R3HDM4: variants seen among roughly 807,000 people sequenced by gnomAD.
R3HDM4 encodes the protein R3H domain-containing protein 4.
Under a neutral mutation model 31.3 loss-of-function variants are expected in R3HDM4, and 30 were observed. The observed-to-expected ratio is 0.96, with a 90% CI of 0.72 to 1.30. The LOEUF is 1.30. Among genes scored for constraint, R3HDM4 ranks in the 50% most tolerant of loss-of-function variants. The pLI is 0.00. For missense variants in R3HDM4, 444 were observed against 366.1 expected, an observed-to-expected ratio of 1.21 and a Z score of -1.74; for synonymous variants, 196 against 156.6, an observed-to-expected ratio of 1.25 and a Z score of -1.88.
chr19:912,531 G>T lies in R3HDM4; in HGVS notation c.71+556C>A, dbSNP rs1402208019. Among the ~76,000 whole-genome samples, 9 of 72,974 alleles carry T rather than the reference G, an allele frequency of 1.2e-4. No individual in the cohort carries two copies. In the East Asian group the frequency reaches 4.5e-3, roughly 37 times the overall value. 47.9% of individuals were successfully genotyped at this position (72,974 alleles called of 152,430 possible). On this transcript the variant is annotated intron_variant, in intron 1 of 7. Transcript: ENST00000361574. ...CAGGGGAGTGGGGGGGTGGAGCAGG[G>T]AGTGGGGGGACGGACCCAGGAGTGG...
intron 1 of R3HDM4, among the ~76,000 whole-genome samples, chr19:911,392 G>A (rs2036969997): frequency 6.6e-6 from 1 of 151,984 alleles, no homozygotes; most frequent in South Asian, 2.1e-4. Flanking sequence ...TGCAGTGAAT[G>A]AAGATCGTGC....
At position 901,520 on chromosome 19, in the gene R3HDM4, T is replaced by A; in HGVS notation, c.253A>T (p.Thr85Ser). 2 of 1,607,678 alleles carry A rather than the reference T, an allele frequency of 1.2e-6. No homozygotes were observed. The highest frequency in any genetic ancestry group is 1.7e-6 in the Non-Finnish European group (2 of 1,179,734). Residue 85 changes from threonine (T) to serine (S), a missense_variant, in exon 3 of 8, where the codon ACA becomes TCA. Thr to Ser is a moderately conservative substitution (Grantham distance 58). Transcript: ENST00000361574. ...NTQYLLTLLETDGGLPGLEDG... is the reference protein window; with the variant it reads ...NTQYLLTLLESDGGLPGLEDG... ...TCCAGGCCAGGCAGGCCCCCGTCTGTCTCCAGCAGGGTCAGGAGGTACTGG... is the reference window on the plus strand; with the variant it reads ...TCCAGGCCAGGCAGGCCCCCGTCTGACTCCAGCAGGGTCAGGAGGTACTGG...
At position 901,535 on chromosome 19, in the gene R3HDM4, G is replaced by T; in HGVS notation, c.238C>A (p.Leu80Met). 2 of 1,605,812 alleles carry T rather than the reference G, an allele frequency of 1.2e-6. No homozygotes were observed. Among genetic ancestry groups the T allele is most frequent in the Non-Finnish European group, 8.5e-7 (1 of 1,179,630 alleles). The change falls in exon 3 of 8, where the codon CTG becomes ATG. Residue 80 changes from leucine to methionine, a missense_variant. By Grantham distance (15) the Leu-to-Met change is conservative. Transcript: ENST00000361574. ...CCCCCGTCTGTCTCCAGCAGGGTCA[G>T]GAGGTACTGGGCTAGGTGGAAACAG... ...LQRLENTQYL[L>M]TLLETDGGLP...
Position 899,549 on chromosome 19 carries a change from C to T in R3HDM4, c.647+52G>A. 2 of 1,612,522 alleles carry T rather than the reference C, an allele frequency of 1.2e-6. No homozygotes were observed. The highest frequency in any genetic ancestry group is 2.2e-5 in the East Asian group (1 of 44,868). On this transcript the variant is annotated intron_variant, in intron 6 of 7. Transcript: ENST00000361574. The surrounding 1 kb of genome is among the most constrained non-coding windows in gnomAD (Gnocchi z 6.8). The stretch of plus-strand genomic sequence containing the variant: ...CAGGGGCTGCAGCGTGGGGTGTCCG[C>T]CCACCTGGCCGCAGCCTCGGAGGGT...
chr19:903,377 C>T (rs1048763991), intron 1 of R3HDM4, among the ~76,000 whole-genome samples: 1 of 114,846 alleles, frequency 8.7e-6, no homozygotes, highest in African/African-American at 3.4e-5. Flanking sequence ...AGCTGGGCCT[C>T]CCACCGAGAA....
chr19:903,772 C>T (rs746076712), intron 1 of R3HDM4, among the ~76,000 whole-genome samples: 4 of 152,084 alleles, frequency 2.6e-5, no homozygotes, highest in Admixed American at 2.0e-4. Context: ...ACAAACAGGA[C>T]GGGCGCGGTG....
chr19:912,407 A>G (rs1599365720), intron 1 of R3HDM4, among the ~76,000 whole-genome samples: 1 of 72,736 alleles, frequency 1.4e-5, no homozygotes, highest in Admixed American at 1.5e-4. Flanking sequence ...CGAAGACCAG[A>G]GAGTAGGGGC....
intron 1 of R3HDM4, among the ~76,000 whole-genome samples, chr19:910,342 G>A (rs1328367206): frequency 2.0e-5 from 3 of 151,394 alleles, no homozygotes; most frequent in African/African-American, 4.9e-5. Flanking sequence ...AAAAATAGCC[G>A]GCATGGTGGT....
intron 1 of R3HDM4, among the ~76,000 whole-genome samples, chr19:904,000 G>A (rs575112833): frequency 6.6e-6 from 1 of 152,116 alleles, no homozygotes; most frequent in African/African-American, 2.4e-5. Flanking sequence ...GCAGTGAGCC[G>A]AGATCGTGCC....
rs1742075240 is a variant in R3HDM4, at chr19:896,642, A to C, written c.*795T>G. On this transcript the variant is annotated 3_prime_UTR_variant, in exon 8 of 8. Transcript: ENST00000361574. This position sits in a 1 kb window ranked among gnomAD's most constrained non-coding sequence, Gnocchi z 4.0. ...GGACCAGCATGGGGACACAGGAGCTATCAGGCAGGAGTCAGGCTGGGGGAC... is the reference window on the plus strand; with the variant it reads ...GGACCAGCATGGGGACACAGGAGCTCTCAGGCAGGAGTCAGGCTGGGGGAC... The C allele has an allele frequency of 6.5e-6, 1 of 152,700 alleles. No homozygotes were observed. Among genetic ancestry groups the C allele is most frequent in the African/African-American group, 2.4e-5 (1 of 41,444 alleles). 9.5% of individuals were successfully genotyped at this position (152,700 alleles called of 1,614,324 possible). A position where few individuals can be genotyped will look rare whatever the true frequency, so the allele number is the denominator to read the frequency against.
At chr19:908,823 C>T (rs1181801720) in intron 1 of R3HDM4, among the ~76,000 whole-genome samples, 5 of 152,036 alleles carry the variant, frequency 3.3e-5, no homozygotes, top group Middle Eastern at 3.4e-3. Flanking sequence ...CGGCCCCAGC[C>T]GGCCCGTTTA....
intron 4 of R3HDM4, 52 bp downstream of exon 4, chr19:900,777 G>A (rs1439543584): frequency 3.3e-6 from 1 of 302,718 alleles, no homozygotes. Flanking sequence ...CCCAGGCCAC[G>A]CCCCCATCCA....
rs777858028 is a variant in R3HDM4 at position 900,056 on chromosome 19, C to T, written c.561+5G>A. 1.9e-6 allele frequency: 3 copies of T among 1,610,916 alleles called. No individual in the cohort carries two copies. The highest frequency in any genetic ancestry group is 2.2e-5 in the South Asian group (2 of 91,040). ...AAAAGGGAGGCCCGGCAATCCCCCA[C>T]TCACCATGGGGATGCGGCTGCGCTT... is the stretch of plus-strand genomic sequence containing the variant. On this transcript the variant is annotated splice_donor_5th_base_variant and intron_variant, in intron 5 of 7. Transcript: ENST00000361574.
chr19:903,917 G>A (rs1345795920), intron 1 of R3HDM4, among the ~76,000 whole-genome samples: 3 of 152,148 alleles, frequency 2.0e-5, no homozygotes, highest in African/African-American at 7.2e-5. Flanking sequence ...CGGGCGTGGT[G>A]GTGGGCACCT....
At position 902,067 on chromosome 19, in the gene R3HDM4, C is replaced by A. The variant is rs1302276942; in HGVS notation, c.135G>T (p.Arg45Ser). The change falls in exon 2 of 8, where the codon AGG becomes AGT. Residue 45 changes from arginine to serine, a missense_variant. Coordinates refer to ENST00000361574, the MANE Select transcript of R3HDM4 (RefSeq NM_138774.4). ...SSQVKRLSASRRKQHFINQAV... is the reference protein window; with the variant it reads ...SSQVKRLSASSRKQHFINQAV... The stretch of plus-strand genomic sequence containing the variant: ...CCTGGTTGATGAAGTGCTGTTTCCG[C>A]CTGGAAGCCGAGAGTCTCTTCACCT... The A allele has an allele frequency of 6.2e-7, 1 of 1,613,782 alleles. No homozygotes were observed. Among genetic ancestry groups the A allele is most frequent in the Non-Finnish European group, 8.5e-7 (1 of 1,180,020 alleles).
intron 1 of R3HDM4, among the ~76,000 whole-genome samples, chr19:905,069 G>A (rs755275617): frequency 6.6e-6 from 1 of 152,044 alleles, no homozygotes; most frequent in African/African-American, 2.4e-5. Flanking sequence ...TAAGCCGGGC[G>A]TGGTGGCATG....
rs2036835549 is a variant in R3HDM4, at chr19:901,436, CGTT to C, written c.334_336del (p.Asn112del). 3 of 1,607,134 alleles carry C rather than the reference CGTT, an allele frequency of 1.9e-6. No homozygotes were observed. Among genetic ancestry groups the C allele is most frequent in the Non-Finnish European group, 2.5e-6 (3 of 1,179,384 alleles). ...GGGGGCCACACCTCCACATAGGTGG[CGTT>C]GTTGCAGGCCTCGGCAAAGATGCCT... On this transcript the variant is annotated inframe_deletion, in exon 3 of 8. Coordinates refer to ENST00000361574, the MANE Select transcript of R3HDM4 (RefSeq NM_138774.4).
chr19:901,032 GGCC>G (rs2036829479), intron 3 of R3HDM4, 80 bp from the exon 4 acceptor site: 2 of 1,473,920 alleles, frequency 1.4e-6, no homozygotes, highest in Admixed American at 4.6e-5. Flanking sequence ...GGCACGGTAA[GGCC>G]GCCAAGCACG....
chr19:907,316 C>T lies in R3HDM4; in HGVS notation c.72-5186G>A, dbSNP rs1255267998. Among the ~76,000 whole-genome samples, 3 of 152,082 alleles carry T rather than the reference C, an allele frequency of 2.0e-5. No homozygotes were observed. Among genetic ancestry groups the T allele is most frequent in the Non-Finnish European group, 1.5e-5 (1 of 68,010 alleles). On this transcript the variant is annotated intron_variant, in intron 1 of 7. Coordinates refer to ENST00000361574, the MANE Select transcript of R3HDM4 (RefSeq NM_138774.4). This position sits in a 1 kb window ranked among gnomAD's most constrained non-coding sequence, Gnocchi z 4.1. ...CAGCCTGAAGCTGCCTCCCTGAGGCCGGAGCACTCTGTCCCATGCCCCAGA... is the reference window on the plus strand; with the variant it reads ...CAGCCTGAAGCTGCCTCCCTGAGGCTGGAGCACTCTGTCCCATGCCCCAGA...
Sources: allele counts gnomAD v4.1 joint callset (sites outside exome capture counted in the v4.1 genomes callset), GRCh38; gene constraint gnomAD v4.1.1; non-coding constraint Gnocchi (gnomAD v3.1); transcripts MANE v1.5; gene names NCBI Gene and HGNC (gene_info 2026-07-23, HGNC 2026-07-21).